PPFIA2: variants seen among roughly 807,000 people sequenced by gnomAD.
PPFIA2 encodes PPFI scaffold protein A2, also known as liprin-alpha-2.
Under a neutral mutation model 175.5 loss-of-function variants are expected in PPFIA2, and 46 were observed. That is an observed-to-expected ratio of 0.26 (90% confidence interval 0.21 to 0.34). The LOEUF (loss-of-function observed/expected upper bound fraction) is 0.34. Ranked by LOEUF, PPFIA2 falls within the 10% of genes least tolerant of loss-of-function variation. The pLI, the probability that PPFIA2 is intolerant of heterozygous loss-of-function variation, is 1.00. For synonymous variants in PPFIA2, 568 were observed against 511.4 expected, an observed-to-expected ratio of 1.11 and a Z score of -1.49; for missense variants, 1,179 against 1,506.1, an observed-to-expected ratio of 0.78 and a Z score of 3.60.
intron 28 of PPFIA2, among the ~76,000 whole-genome samples, chr12:81,275,975 A>G (rs917683071): frequency 2.6e-5 from 4 of 151,898 alleles, no homozygotes; most frequent in African/African-American, 4.8e-5. Context: ...TAGTAGAAAC[A>G]GGGTTTCACC....
At chr12:81,285,115 G>C (rs1407051441) in intron 24 of PPFIA2, among the ~76,000 whole-genome samples, 2 of 151,894 alleles carry the variant, frequency 1.3e-5, no homozygotes, top group Non-Finnish European at 2.9e-5. Context: ...ACACCCCTTG[G>C]TATTAGTTCT....
intron 3 of PPFIA2, among the ~76,000 whole-genome samples, chr12:81,751,536 C>T (rs1400069373): frequency 4.8e-5 from 2 of 41,484 alleles, no homozygotes; most frequent in African/African-American, 1.4e-4. Flanking sequence ...TAATATGCTA[C>T]ACACACACAC....
intron 22 of PPFIA2, among the ~76,000 whole-genome samples, chr12:81,325,082 A>C (rs1031889331): frequency 8.5e-5 from 13 of 152,098 alleles, no homozygotes; most frequent in African/African-American, 1.2e-4. Flanking sequence ...ATTTGAGAAG[A>C]AGGAAAAGAA....
At chr12:81,608,980 G>A (rs551706012) in intron 4 of PPFIA2, among the ~76,000 whole-genome samples, 1 of 151,856 alleles carries the variant, frequency 6.6e-6, no homozygotes, top group African/African-American at 2.4e-5. Flanking sequence ...TAGAGATTTG[G>A]ATAAGTTTTA....
At chr12:81,408,579 A>T (rs2043336834) in intron 7 of PPFIA2, among the ~76,000 whole-genome samples, 1 of 152,216 alleles carries the variant, frequency 6.6e-6, no homozygotes, top group African/African-American at 2.4e-5. Flanking sequence ...TGAATGAATC[A>T]GTGAAAAGAT....
chr12:81,462,269 A>G (rs1307548195), intron 4 of PPFIA2, among the ~76,000 whole-genome samples: 5 of 135,242 alleles, frequency 3.7e-5, no homozygotes, highest in Admixed American at 3.0e-4. Flanking sequence ...ATATATATAT[A>G]TATATATGTT....
At chr12:81,352,446 C>A (rs951541110) in intron 17 of PPFIA2, among the ~76,000 whole-genome samples, 5 of 151,400 alleles carry the variant, frequency 3.3e-5, no homozygotes, top group African/African-American at 9.7e-5. Context: ...CTCTCTCTCT[C>A]CCCCCACTGT....
intron 7 of PPFIA2, among the ~76,000 whole-genome samples, chr12:81,426,172 GA>G (rs1315745109): frequency 2.0e-5 from 3 of 152,148 alleles, no homozygotes; most frequent in Admixed American, 6.6e-5. Context: ...CTTATGTAAT[GA>G]AGCCTTGATT....
chr12:81,430,130 C>CA (rs1566792854), intron 7 of PPFIA2: 1 of 152,072 alleles, frequency 6.6e-6, no homozygotes, highest in African/African-American at 2.4e-5. Context: ...AGTTCTATTA[C>CA]TTGCCATTGA....
At chr12:81,628,200 T>C (rs1002985733) in intron 4 of PPFIA2, among the ~76,000 whole-genome samples, 1 of 152,122 alleles carries the variant, frequency 6.6e-6, no homozygotes, top group African/African-American at 2.4e-5. Context: ...CTGACATATT[T>C]AATCAACCGA....
chr12:81,479,463 C>G (rs528535403), intron 4 of PPFIA2, among the ~76,000 whole-genome samples: 89 of 152,234 alleles, frequency 5.8e-4, no homozygotes, highest in Middle Eastern at 3.4e-3. Context: ...TTAATCTTGT[C>G]ATTATGATGC....
In PPFIA2 at chr12:81,258,639, G is replaced by C. The variant is rs2034458765; in HGVS notation, c.*1055C>G. 6.6e-6 allele frequency: 1 copy of C among 151,970 alleles called. No homozygotes were observed. The highest frequency in any genetic ancestry group is 6.6e-5 in the Admixed American group (1 of 15,240). 9.4% of individuals were successfully genotyped at this position (151,970 alleles called of 1,614,324 possible). A position where few individuals can be genotyped will look rare whatever the true frequency, so the allele number is the denominator to read the frequency against. On this transcript the variant is annotated 3_prime_UTR_variant, in exon 33 of 33. Transcript: ENST00000549396. ...TTTCCTCTGATAAAACTGACTTCAG[G>C]GAAGTCGCAACAAGGCCATCTCGGC...
intron 4 of PPFIA2, among the ~76,000 whole-genome samples, chr12:81,572,351 T>G (rs1447000489): frequency 2.0e-5 from 3 of 152,048 alleles, no homozygotes; most frequent in Non-Finnish European, 2.9e-5. Flanking sequence ...ATTTTTGTCC[T>G]GCTTTGTTTT....
intron 5 of PPFIA2, among the ~76,000 whole-genome samples, chr12:81,455,650 G>C (rs574779918): frequency 6.6e-6 from 1 of 152,212 alleles, no homozygotes; most frequent in South Asian, 2.1e-4. Context: ...GATGAAAATT[G>C]TACGGATTCT....
chr12:81,661,518 G>A (rs537425809), intron 4 of PPFIA2, among the ~76,000 whole-genome samples: 3 of 152,048 alleles, frequency 2.0e-5, no homozygotes, highest in South Asian at 2.1e-4. Flanking sequence ...ATATATATGC[G>A]CCCAATACAG....
At chr12:81,589,405 T>C (rs1043135529) in intron 4 of PPFIA2, among the ~76,000 whole-genome samples, 8 of 152,114 alleles carry the variant, frequency 5.3e-5, no homozygotes, top group African/African-American at 2.4e-5. Flanking sequence ...AATTTCAGGA[T>C]ATAAGTTTAT....
At position 81,439,958 on chromosome 12, in the gene PPFIA2, G is replaced by A. The variant is rs535184982; in HGVS notation, c.645+14C>T. The A allele has an allele frequency of 5.0e-6, 8 of 1,600,534 alleles. No individual in the cohort carries two copies. The Admixed American group carries it at 1.4e-4, about 28-fold the overall frequency. ...ATATTGCACCTCAAAAGAGGAGAAA[G>A]TGTGGCAGGTTACCTCCTGATTAGC... On this transcript the variant is annotated intron_variant, in intron 7 of 32. Transcript: ENST00000549396.
rs1325279528 is a variant in PPFIA2, at chr12:81,632,805, C to T, written c.303+43986G>A. ...GGGGTCCCGTTTTAACTGGCAAAAG[C>T]AATCTGTGTCCTGAGGGGATTTACA... On this transcript the variant is annotated intron_variant, in intron 4 of 32. Coordinates refer to ENST00000549396, the MANE Select transcript of PPFIA2 (RefSeq NM_003625.5). Among the ~76,000 whole-genome samples the T allele has an allele frequency of 7.2e-5, 11 of 152,006 alleles. 1 individual carries two copies.
At chr12:81,668,102 G>A (rs928670255) in intron 4 of PPFIA2, among the ~76,000 whole-genome samples, 2 of 152,020 alleles carry the variant, frequency 1.3e-5, no homozygotes, top group Admixed American at 6.6e-5. Flanking sequence ...ATAGGCAATT[G>A]CTATTTGCTT....
Sources: gnomAD v4.1 joint callset for allele counts (sites outside exome capture counted in the v4.1 genomes callset) on GRCh38, gnomAD v4.1.1 for gene constraint, MANE v1.5 for transcripts, NCBI Gene and HGNC (gene_info 2026-07-23, HGNC 2026-07-21) for gene names.